The following B3GLCT variants were observed in gnomAD, a reference collection of about 807,000 sequenced individuals.
B3GLCT encodes beta 3-glucosyltransferase, also known as beta-1,3-glucosyltransferase.
A neutral mutation model predicts 63.4 loss-of-function variants in B3GLCT; 65 were observed. The observed-to-expected ratio is 1.03, with a 90% CI of 0.84 to 1.26. B3GLCT has a LOEUF of 1.26. Ranked by LOEUF, B3GLCT falls within the 50% of genes most tolerant of loss-of-function variation. The pLI, the probability that B3GLCT is intolerant of heterozygous loss-of-function variation, is 0.00. For missense variants in B3GLCT, 577 were observed against 604.8 expected, an observed-to-expected ratio of 0.95 and a Z score of 0.48; for synonymous variants, 233 against 219.2, an observed-to-expected ratio of 1.06 and a Z score of -0.55.
intron 14 of B3GLCT, among the ~76,000 whole-genome samples, chr13:31,324,349 A>G (rs1168901125): frequency 6.6e-6 from 1 of 152,196 alleles, no homozygotes; most frequent in Non-Finnish European, 1.5e-5. Flanking sequence ...ACTTGCCATT[A>G]AAATGAATGG....
intron 12 of B3GLCT, among the ~76,000 whole-genome samples, chr13:31,290,590 G>T (rs576560615): frequency 6.6e-6 from 1 of 152,120 alleles, no homozygotes; most frequent in South Asian, 2.1e-4. Flanking sequence ...TTGTGGTTTT[G>T]ATTTGCATTT....
chr13:31,269,845 G>C (rs927202303), intron 8 of B3GLCT, among the ~76,000 whole-genome samples: 3 of 152,136 alleles, frequency 2.0e-5, no homozygotes, highest in Non-Finnish European at 4.4e-5. Context: ...CAGGAAGCAG[G>C]CCCTCACCAC....
chr13:31,224,573 C>T (rs771658194), intron 3 of B3GLCT, among the ~76,000 whole-genome samples: 9 of 152,122 alleles, frequency 5.9e-5, no homozygotes, highest in Non-Finnish European at 1.2e-4. Flanking sequence ...AGATTCAGGG[C>T]ACCGAGAGCA....
intron 12 of B3GLCT, among the ~76,000 whole-genome samples, chr13:31,296,983 A>G (rs1873976721): frequency 6.6e-6 from 1 of 150,910 alleles, no homozygotes; most frequent in Admixed American, 6.6e-5. Context: ...TATGATTTTG[A>G]CTACTCTCAG....
chr13:31,313,061 T>G (rs907340365), intron 12 of B3GLCT: 11 of 152,378 alleles, frequency 7.2e-5, no homozygotes, highest in African/African-American at 2.6e-4. Context: ...CCAACACTTG[T>G]CACTGGTCAG....
rs192241359 is a variant in B3GLCT, at chr13:31,237,930, G to T, written c.270+8636G>T. On this transcript the variant is annotated intron_variant, in intron 4 of 14. Coordinates refer to ENST00000343307, the MANE Select transcript of B3GLCT (RefSeq NM_194318.4). ...GCAGTTTTGGTTTCTTCATCAATTT[G>T]CCCACCATGAACATTCGTAAAAGTT... 2.3e-3 allele frequency among the ~76,000 whole-genome samples: 356 copies of T among 152,208 alleles called. 1 individual carries two copies. Among genetic ancestry groups the T allele is most frequent in the Non-Finnish European group, 4.5e-3 (303 of 68,000 alleles).
intron 1 of B3GLCT, among the ~76,000 whole-genome samples, chr13:31,208,622 C>A (rs888250895): frequency 1.8e-5 from 2 of 114,148 alleles, no homozygotes; most frequent in Non-Finnish European, 3.4e-5. Context: ...TTTAGTGGCC[C>A]CCCCCCCCCG....
chr13:31,253,436 A>C (rs1171936143), intron 6 of B3GLCT, among the ~76,000 whole-genome samples: 4 of 151,244 alleles, frequency 2.6e-5, no homozygotes, highest in African/African-American at 9.7e-5. Context: ...CTAAAAGTGC[A>C]AAAAAAATTA....
In B3GLCT at chr13:31,232,279, A is replaced by C. The variant is rs60123792; in HGVS notation, c.270+2985A>C. ...ATATCTGAGACTGGGTCATTTATAAAGAAAAGAAGTTTACTTGGCTTATGG... is the reference window on the plus strand; with the variant it reads ...ATATCTGAGACTGGGTCATTTATAACGAAAAGAAGTTTACTTGGCTTATGG... On this transcript the variant is annotated intron_variant, in intron 4 of 14. Coordinates refer to ENST00000343307, the MANE Select transcript of B3GLCT (RefSeq NM_194318.4). Among the ~76,000 whole-genome samples, 1,101 of 152,340 alleles carry C rather than the reference A, an allele frequency of 7.2e-3. 21 individuals are homozygous for C. Among genetic ancestry groups the C allele is most frequent in the African/African-American group, 0.025 (1,050 of 41,578 alleles).
chr13:31,235,804 G>T (rs952103544), intron 4 of B3GLCT, among the ~76,000 whole-genome samples: 2 of 152,126 alleles, frequency 1.3e-5, no homozygotes, highest in Non-Finnish European at 2.9e-5. Flanking sequence ...AAATCTGTAT[G>T]CATTGAACAA....
chr13:31,200,646 T>G (rs1265064443), intron 1 of B3GLCT, among the ~76,000 whole-genome samples: 1 of 151,696 alleles, frequency 6.6e-6, no homozygotes, highest in Non-Finnish European at 1.5e-5. Context: ...GAGGCGGCCC[T>G]CGAGGCCCCG....
intron 12 of B3GLCT, among the ~76,000 whole-genome samples, chr13:31,309,133 A>T (rs1488009481): frequency 1.3e-5 from 2 of 152,170 alleles, no homozygotes; most frequent in African/African-American, 2.4e-5. Context: ...GCCACCCAGG[A>T]ATCAAGGGTT....
chr13:31,293,928 T>C (rs1873806283), intron 12 of B3GLCT, among the ~76,000 whole-genome samples: 1 of 152,222 alleles, frequency 6.6e-6, no homozygotes. Context: ...TTGATATGTT[T>C]TTGCAGTGGC....
intron 13 of B3GLCT, among the ~76,000 whole-genome samples, chr13:31,320,032 C>T (rs1875258192): frequency 6.6e-6 from 1 of 152,150 alleles, no homozygotes; most frequent in African/African-American, 2.4e-5. Context: ...TAATCTCAGC[C>T]AGGTCACTGT....
intron 11 of B3GLCT, 28 bp from the exon 12 acceptor site, chr13:31,286,692 T>G: frequency 7.5e-7 from 1 of 1,337,078 alleles, no homozygotes; most frequent in Non-Finnish European, 1.1e-6. Context: ...AAATAATACA[T>G]TGTAAGTTTT....
At chr13:31,216,476 G>A (rs747860435) in intron 2 of B3GLCT, among the ~76,000 whole-genome samples, 1 of 151,848 alleles carries the variant, frequency 6.6e-6, no homozygotes, top group Non-Finnish European at 1.5e-5. Context: ...AGGTCAAGGG[G>A]TACATGTGCA....
intron 13 of B3GLCT, among the ~76,000 whole-genome samples, chr13:31,320,265 A>G (rs1362680817): frequency 1.3e-5 from 2 of 152,320 alleles, no homozygotes; most frequent in Non-Finnish European, 1.5e-5. Flanking sequence ...AGAGATGATC[A>G]TTTAGATTTT....
chr13:31,233,249 G>T (rs540624339), intron 4 of B3GLCT, among the ~76,000 whole-genome samples: 1 of 152,230 alleles, frequency 6.6e-6, no homozygotes, highest in South Asian at 2.1e-4. Flanking sequence ...TGAAACCGCA[G>T]AGTTTAGGAA....
chr13:31,276,883 G>A (rs756035046), intron 10 of B3GLCT, 112 bp downstream of exon 10: 21 of 815,898 alleles, frequency 2.6e-5, no homozygotes, highest in Middle Eastern at 6.1e-4. Flanking sequence ...TGACAATTCG[G>A]ATGTTGAAGT....
Sources: allele counts gnomAD v4.1 joint callset (sites outside exome capture counted in the v4.1 genomes callset), GRCh38; gene constraint gnomAD v4.1.1; transcripts MANE v1.5; gene names NCBI Gene and HGNC (gene_info 2026-07-23, HGNC 2026-07-21).